The following RCAN2 variants were observed in gnomAD, a reference collection of about 807,000 sequenced individuals.
RCAN2 encodes the protein regulator of calcineurin 2.
Under a neutral mutation model 23.6 loss-of-function variants are expected in RCAN2, and 9 were observed. The ratio of observed to expected loss-of-function variants is 0.38; its 90% CI spans 0.23 to 0.67. The LOEUF (loss-of-function observed/expected upper bound fraction) is 0.67, where lower values mean the gene tolerates loss of function less well. Among genes scored for constraint, RCAN2 ranks in the 30% least tolerant of loss-of-function variants. RCAN2 has a pLI of 0.51. For synonymous variants in RCAN2, 109 were observed against 115.7 expected, an observed-to-expected ratio of 0.94 and a Z score of 0.37; for missense variants, 273 against 302.3, an observed-to-expected ratio of 0.90 and a Z score of 0.72.
intron 2 of RCAN2, among the ~76,000 whole-genome samples, chr6:46,389,408 TCTC>T (rs1770196094): frequency 6.6e-6 from 1 of 152,174 alleles, no homozygotes. Context: ...TCAGGAATCA[TCTC>T]CTTCAGGGAG....
intron 2 of RCAN2, among the ~76,000 whole-genome samples, chr6:46,292,668 T>A (rs1762605755): frequency 6.6e-6 from 1 of 152,174 alleles, no homozygotes; most frequent in Non-Finnish European, 1.5e-5. Context: ...AACTTTTAGA[T>A]TTATTGACCA....
chr6:46,262,338 C>G (rs1767137134), intron 2 of RCAN2, among the ~76,000 whole-genome samples: 1 of 152,162 alleles, frequency 6.6e-6, no homozygotes, highest in Non-Finnish European at 1.5e-5. Context: ...CTCCCATCAG[C>G]CCCCTGTTCA....
At chr6:46,482,280 G>A (rs1561923290) in intron 1 of RCAN2, among the ~76,000 whole-genome samples, 1 of 151,992 alleles carries the variant, frequency 6.6e-6, no homozygotes, top group Non-Finnish European at 1.5e-5. Context: ...TTAGCTATGT[G>A]TATATATTCT....
chr6:46,479,594 T>TTC, intron 1 of RCAN2, among the ~76,000 whole-genome samples: 1 of 147,796 alleles, frequency 6.8e-6, no homozygotes, highest in East Asian at 2.0e-4. Context: ...TTTTTTTTTT[T>TTC]TTTTTTTTTT....
chr6:46,373,667 A>G (rs1453583822), intron 2 of RCAN2, among the ~76,000 whole-genome samples: 3 of 152,224 alleles, frequency 2.0e-5, no homozygotes, highest in Non-Finnish European at 4.4e-5. Flanking sequence ...GAAGATGGTG[A>G]TGTGTTACTT....
intron 2 of RCAN2, among the ~76,000 whole-genome samples, chr6:46,288,157 T>C (rs1428892751): frequency 6.6e-6 from 1 of 152,200 alleles, no homozygotes; most frequent in East Asian, 1.9e-4. Context: ...GTTCTCACGT[T>C]GCAGCAACAG....
chr6:46,385,717 C>A (rs1765723603), intron 2 of RCAN2, among the ~76,000 whole-genome samples: 1 of 151,660 alleles, frequency 6.6e-6, no homozygotes, highest in African/African-American at 2.4e-5. Context: ...ATTAGCAGGG[C>A]ATGGTGGCGC....
intron 2 of RCAN2, among the ~76,000 whole-genome samples, chr6:46,276,277 T>C (rs1236531764): frequency 1.3e-5 from 2 of 152,028 alleles, no homozygotes; most frequent in Non-Finnish European, 2.9e-5. Flanking sequence ...GTGGATATTA[T>C]TACATCATGA....
intron 4 of RCAN2, among the ~76,000 whole-genome samples, chr6:46,238,125 C>T (rs576554623): frequency 6.6e-6 from 1 of 152,240 alleles, no homozygotes; most frequent in Admixed American, 6.5e-5. Flanking sequence ...TGCAAATTCT[C>T]ATTGTTCTTG....
rs889318500 is a variant in RCAN2 at position 46,456,925 on chromosome 6, G to T, written c.52C>A (p.His18Asn). 7.1e-6 allele frequency: 11 copies of T among 1,550,728 alleles called. No individual in the cohort carries two copies. The African/African-American group carries it at 1.4e-4, about 19-fold the overall frequency. Residue 18 changes from histidine (H) to asparagine (N), a missense_variant, in exon 2 of 5, where the codon CAC becomes AAC. Transcript: ENST00000371374. The stretch of plus-strand genomic sequence containing the variant: ...AAAAGTCCTCCATCTTCAGGGACGT[G>T]TCCCTGCTGCCCTGGGCTCCTCATT... The part of the protein sequence containing the change: ...IGMRSPGQQG[H>N]VPEDGGLFLL...
At chr6:46,468,236 C>T (rs1768449471) in intron 1 of RCAN2, among the ~76,000 whole-genome samples, 1 of 152,194 alleles carries the variant, frequency 6.6e-6, no homozygotes, top group South Asian at 2.1e-4. Flanking sequence ...TGGTGTTAGG[C>T]CCAGAGTTTG....
At chr6:46,315,198 T>C (rs1763394786) in intron 2 of RCAN2, among the ~76,000 whole-genome samples, 1 of 152,216 alleles carries the variant, frequency 6.6e-6, no homozygotes, top group South Asian at 2.1e-4. Context: ...TGGGAGTCTA[T>C]CATTCATTTG....
chr6:46,387,862 A>T (rs1275413304), intron 2 of RCAN2, among the ~76,000 whole-genome samples: 1 of 152,230 alleles, frequency 6.6e-6, no homozygotes, highest in African/African-American at 2.4e-5. Context: ...CCAAATGTCC[A>T]TCAATGATAG....
chr6:46,346,138 G>C (rs1291611085), intron 2 of RCAN2, among the ~76,000 whole-genome samples: 1 of 151,560 alleles, frequency 6.6e-6, no homozygotes, highest in African/African-American at 2.4e-5. Flanking sequence ...ATAACCCTTT[G>C]GTCAAAGAAG....
chr6:46,478,548 C>G (rs79011510), intron 1 of RCAN2, among the ~76,000 whole-genome samples: 1 of 152,148 alleles, frequency 6.6e-6, no homozygotes, highest in Admixed American at 6.5e-5. Context: ...ACTCATAAGT[C>G]CCATCACATG....
intron 1 of RCAN2, among the ~76,000 whole-genome samples, chr6:46,463,074 T>C (rs939769920): frequency 6.6e-6 from 1 of 152,172 alleles, no homozygotes; most frequent in East Asian, 1.9e-4. Flanking sequence ...AGTAGCGTGA[T>C]GTGTGACCAG....
intron 2 of RCAN2, among the ~76,000 whole-genome samples, chr6:46,261,719 C>A (rs1582041250): frequency 6.6e-6 from 1 of 152,130 alleles, no homozygotes; most frequent in East Asian, 1.9e-4. Flanking sequence ...ATGAAATCAA[C>A]TCTAATTAAA....
intron 2 of RCAN2, among the ~76,000 whole-genome samples, chr6:46,298,881 GA>G (rs1762814627): frequency 1.3e-5 from 2 of 152,060 alleles, no homozygotes; most frequent in Non-Finnish European, 2.9e-5. Context: ...CAGTGGACTG[GA>G]TGAAGAAAAT....
intron 2 of RCAN2, among the ~76,000 whole-genome samples, chr6:46,399,575 T>C (rs1471891405): frequency 1.3e-5 from 2 of 151,884 alleles, no homozygotes; most frequent in Non-Finnish European, 2.9e-5. Context: ...AAACAGGGTG[T>C]CAGGAGGGTT....
Sources: gnomAD v4.1 joint callset for allele counts (sites outside exome capture counted in the v4.1 genomes callset) on GRCh38, gnomAD v4.1.1 for gene constraint, MANE v1.5 for transcripts, NCBI Gene and HGNC (gene_info 2026-07-23, HGNC 2026-07-21) for gene names.